Variants in PCDHA3 observed in about 807,000 individuals in gnomAD.
PCDHA3 encodes the protein protocadherin alpha 3.
A neutral mutation model predicts 62.2 loss-of-function variants in PCDHA3; 41 were observed. The ratio of observed to expected loss-of-function variants is 0.66; its 90% CI spans 0.51 to 0.86. The LOEUF is 0.86. PCDHA3 is among the 40% of genes least tolerant of loss of function. PCDHA3 has a pLI of 0.00. For missense variants in PCDHA3, 1,304 were observed against 1,241.2 expected, an observed-to-expected ratio of 1.05 and a Z score of -0.76; for synonymous variants, 640 against 555.4, an observed-to-expected ratio of 1.15 and a Z score of -2.14.
intron 3 of PCDHA3, among the ~76,000 whole-genome samples, chr5:140,986,867 C>A (rs1238623584): frequency 6.6e-6 from 1 of 152,140 alleles, no homozygotes; most frequent in Non-Finnish European, 1.5e-5. Flanking sequence ...TACCCGGAAA[C>A]TTGTTAGAAA....
At chr5:140,807,145 T>C in intron 1 of PCDHA3, 1 of 1,574,836 alleles carries the variant, frequency 6.3e-7, no homozygotes, top group Non-Finnish European at 8.6e-7. Context: ...CCCTTGACTT[T>C]GAGAAACGAT....
intron 1 of PCDHA3, chr5:140,848,467 A>C: frequency 6.5e-7 from 1 of 1,545,570 alleles, no homozygotes; most frequent in Non-Finnish European, 8.8e-7. Context: ...GGCAATTTTC[A>C]CTAATTAGAA....
At chr5:140,900,498 A>G (rs1554189212) in intron 1 of PCDHA3, among the ~76,000 whole-genome samples, 1 of 152,172 alleles carries the variant, frequency 6.6e-6, no homozygotes, top group Non-Finnish European at 1.5e-5. Context: ...ACTGGTCTCA[A>G]ATTCCCAGCC....
At chr5:140,939,897 T>G (rs1563176465) in intron 1 of PCDHA3, among the ~76,000 whole-genome samples, 1 of 152,230 alleles carries the variant, frequency 6.6e-6, no homozygotes. Flanking sequence ...TCAAATATTC[T>G]GCATTCTTTT....
At chr5:140,823,109 C>G in intron 1 of PCDHA3, 1 of 1,614,038 alleles carries the variant, frequency 6.2e-7, no homozygotes, top group Non-Finnish European at 8.5e-7. Flanking sequence ...GTGGAAGTGG[C>G]CGACGTGAAC....
intron 1 of PCDHA3, chr5:140,864,534 T>A (rs1554158965): frequency 6.6e-6 from 1 of 152,246 alleles, no homozygotes; most frequent in Non-Finnish European, 1.5e-5. Flanking sequence ...TTAATTTTTG[T>A]CTTCAATCTT....
intron 1 of PCDHA3, among the ~76,000 whole-genome samples, chr5:140,845,370 T>C (rs1032525596): frequency 6.7e-6 from 1 of 149,690 alleles, no homozygotes; most frequent in Non-Finnish European, 1.5e-5. Flanking sequence ...CAAAATATCA[T>C]AAATAGGAGG....
intron 1 of PCDHA3, among the ~76,000 whole-genome samples, chr5:140,931,209 A>G (rs1554208285): frequency 6.6e-6 from 1 of 152,184 alleles, no homozygotes; most frequent in African/African-American, 2.4e-5. Flanking sequence ...CTAGTATTTC[A>G]GGTATCAGAG....
chr5:140,943,640 A>G (rs1288085106), intron 1 of PCDHA3, among the ~76,000 whole-genome samples: 1 of 152,224 alleles, frequency 6.6e-6, no homozygotes, highest in African/African-American at 2.4e-5. Context: ...TGGATTATGG[A>G]TAAAACCATC....
At chr5:140,835,855 C>A in intron 1 of PCDHA3, 2 of 1,612,246 alleles carry the variant, frequency 1.2e-6, no homozygotes, top group Non-Finnish European at 1.7e-6. Flanking sequence ...GCGCTGGTGT[C>A]CTACTCGCTG....
At chr5:140,804,486 A>G (rs2149978699) in intron 1 of PCDHA3, 1 of 152,248 alleles carries the variant, frequency 6.6e-6, no homozygotes, top group East Asian at 1.9e-4. Context: ...TCTTGAAAAT[A>G]ATTATGGTAT....
At chr5:140,962,772 T>C (rs1039768584) in intron 1 of PCDHA3, among the ~76,000 whole-genome samples, 2 of 152,336 alleles carry the variant, frequency 1.3e-5, no homozygotes, top group Admixed American at 1.3e-4. Context: ...TTTAACAAGA[T>C]GGAATTTTTA....
intron 1 of PCDHA3, among the ~76,000 whole-genome samples, chr5:140,894,305 T>A (rs1318862417): frequency 6.6e-6 from 1 of 152,078 alleles, no homozygotes; most frequent in East Asian, 1.9e-4. Context: ...TCCTGGAAAG[T>A]TTTCTTAAAT....
chr5:140,870,229 C>T (rs781897836), intron 1 of PCDHA3: 13 of 1,614,046 alleles, frequency 8.1e-6, no homozygotes, highest in East Asian at 4.5e-5. Context: ...CGTGTCTGAC[C>T]GTGACTCAGG....
At chr5:140,959,285 G>A (rs2095478960) in intron 1 of PCDHA3, among the ~76,000 whole-genome samples, 1 of 152,002 alleles carries the variant, frequency 6.6e-6, no homozygotes, top group African/African-American at 2.4e-5. Flanking sequence ...CCTGAGGTGG[G>A]AGCATCACTG....
rs144574743 is a variant in PCDHA3, at chr5:140,848,603, G to C, written c.2394+45012G>C. ...GCGGCCAGCTCCACTACTCCGTCCCGGAGGAAGCCGAACACGGCACCTTCG... is the reference window on the plus strand; with the variant it reads ...GCGGCCAGCTCCACTACTCCGTCCCCGAGGAAGCCGAACACGGCACCTTCG... On this transcript the variant is annotated intron_variant, in intron 1 of 3. Transcript: ENST00000522353. 5,441 of 1,581,086 alleles carry C rather than the reference G, an allele frequency of 3.4e-3. 700 individuals are homozygous for C. Among genetic ancestry groups the C allele is most frequent in the Middle Eastern group, 0.011 (64 of 5,726 alleles).
intron 1 of PCDHA3, chr5:140,969,509 C>A: frequency 7.1e-7 from 1 of 1,416,136 alleles, no homozygotes; most frequent in Non-Finnish European, 9.4e-7. Context: ...AAAAATAGCA[C>A]TAAAGAATTG....
At chr5:140,807,927 A>C in intron 1 of PCDHA3, 1 of 1,614,142 alleles carries the variant, frequency 6.2e-7, no homozygotes, top group South Asian at 1.1e-5. Context: ...AGAACCATTT[A>C]TAAGGTGAGA....
chr5:140,967,645 G>A lies in PCDHA3; in HGVS notation c.2395-11304G>A, dbSNP rs782043521. ...ATGAGGGCTCCAATGGTGAGCTCAG[G>A]TACTCCTTGAGCAGCTACACGTCGG... On this transcript the variant is annotated intron_variant, in intron 1 of 3. Transcript: ENST00000522353. 1.9e-5 allele frequency: 30 copies of A among 1,614,144 alleles called. 1 individual carries two copies. In the South Asian group the frequency reaches 3.2e-4, roughly 17 times the overall value.
Sources: gnomAD v4.1 joint callset for allele counts (sites outside exome capture counted in the v4.1 genomes callset) on GRCh38, gnomAD v4.1.1 for gene constraint, MANE v1.5 for transcripts, NCBI Gene and HGNC (gene_info 2026-07-23, HGNC 2026-07-21) for gene names.